Variants in ELOVL4 observed in about 807,000 individuals in gnomAD.
ELOVL4 encodes very long chain fatty acid elongase 4.
Under a neutral mutation model 42.1 loss-of-function variants are expected in ELOVL4, and 18 were observed. The ratio of observed to expected loss-of-function variants is 0.43; its 90% CI spans 0.30 to 0.63. The LOEUF is 0.63. Among genes scored for constraint, ELOVL4 ranks in the 30% least tolerant of loss-of-function variants. ELOVL4 has a pLI of 0.15. For missense variants in ELOVL4, 299 were observed against 376.2 expected, an observed-to-expected ratio of 0.79 and a Z score of 1.70; for synonymous variants, 117 against 127.0, an observed-to-expected ratio of 0.92 and a Z score of 0.53.
chr6:79,927,470 C>T (rs551362035), intron 1 of ELOVL4, among the ~76,000 whole-genome samples: 2 of 152,062 alleles, frequency 1.3e-5, no homozygotes, highest in Non-Finnish European at 2.9e-5. Context: ...TTTAAACTGT[C>T]ATTTTTACTA....
chr6:79,935,751 C>T (rs1774531059), intron 1 of ELOVL4, among the ~76,000 whole-genome samples: 2 of 152,166 alleles, frequency 1.3e-5, no homozygotes, highest in African/African-American at 2.4e-5. Context: ...AATCTAAATA[C>T]ATCTAGCATT....
intron 1 of ELOVL4, among the ~76,000 whole-genome samples, chr6:79,928,300 A>G (rs1774378301): frequency 1.3e-5 from 2 of 152,180 alleles, no homozygotes; most frequent in Non-Finnish European, 2.9e-5. Flanking sequence ...GCCATACTCC[A>G]TGTAACAAAG....
At chr6:79,941,524 G>T (rs1774644457) in intron 1 of ELOVL4, among the ~76,000 whole-genome samples, 1 of 151,998 alleles carries the variant, frequency 6.6e-6, no homozygotes, top group Non-Finnish European at 1.5e-5. Flanking sequence ...TTTAGTGAAC[G>T]GCAACTGAAT....
chr6:79,924,610 A>G (rs1329088710), intron 3 of ELOVL4, among the ~76,000 whole-genome samples: 6 of 152,118 alleles, frequency 3.9e-5, no homozygotes, highest in African/African-American at 1.4e-4. Context: ...CTGAGGCAAG[A>G]GGATCCCTTG....
At chr6:79,929,696 A>G (rs1353035083) in intron 1 of ELOVL4, among the ~76,000 whole-genome samples, 2 of 152,214 alleles carry the variant, frequency 1.3e-5, no homozygotes, top group Non-Finnish European at 2.9e-5. Context: ...AAAAATAATT[A>G]TTAGGAGGAA....
At chr6:79,919,193 G>C (rs2127697993) in intron 5 of ELOVL4, among the ~76,000 whole-genome samples, 1 of 152,146 alleles carries the variant, frequency 6.6e-6, no homozygotes, top group African/African-American at 2.4e-5. Flanking sequence ...GAGGAGTAAG[G>C]GCTATGTCTA....
chr6:79,947,443 G>A lies in ELOVL4; in HGVS notation c.-164C>T. On this transcript the variant is annotated 5_prime_UTR_variant, in exon 1 of 6. Transcript: ENST00000369816. ...TGCTCCTCAAGGCGCCGCGGCGGCG[G>A]GGATGCGGCAGAAGGCAGGGCCAAG... 1 of 648,522 alleles carries A rather than the reference G, an allele frequency of 1.5e-6. No individual in the cohort carries two copies. The highest frequency in any genetic ancestry group is 2.7e-6 in the Non-Finnish European group (1 of 364,472). The allele number at this position is 648,522 out of a possible 1,614,324, so 40.2% of individuals were successfully genotyped here.
In ELOVL4 at chr6:79,919,440, A is replaced by T. The variant is rs373929988; in HGVS notation, c.649T>A (p.Tyr217Asn). Residue 217 changes from tyrosine to asparagine, a missense_variant, in exon 5 of 6, where the codon TAC becomes AAC. Coordinates refer to ENST00000369816, the MANE Select transcript of ELOVL4 (RefSeq NM_022726.4). ...CTCACCAGTTGCAACATAGTCAGGT[A>T]TCGTTTCCACCAAAGATATTTCTGA... ...WIQKYLWWKR[Y>N]LTMLQLIQFH... 1 of 1,613,730 alleles carries T rather than the reference A, an allele frequency of 6.2e-7. No homozygotes were observed. Among genetic ancestry groups the T allele is most frequent in the Non-Finnish European group, 8.5e-7 (1 of 1,179,834 alleles).
intron 1 of ELOVL4, among the ~76,000 whole-genome samples, chr6:79,935,117 T>C (rs1443689087): frequency 6.6e-6 from 1 of 152,172 alleles, no homozygotes. Flanking sequence ...AATAATAAAA[T>C]GCCTGTAATC....
At chr6:79,939,789 G>T (rs1188585052) in intron 1 of ELOVL4, among the ~76,000 whole-genome samples, 2 of 152,098 alleles carry the variant, frequency 1.3e-5, no homozygotes, top group Non-Finnish European at 2.9e-5. Flanking sequence ...ATAGGCATGA[G>T]CCACTGGGCC....
At chr6:79,928,738 T>TTTTG (rs1561986567) in intron 1 of ELOVL4, among the ~76,000 whole-genome samples, 1 of 139,422 alleles carries the variant, frequency 7.2e-6, no homozygotes, top group African/African-American at 2.8e-5. Context: ...TTTTTTTTTT[T>TTTTG]TTTTTTTTTT....
Position 79,947,434 on chromosome 6 carries a change from G to A in ELOVL4, c.-155C>T. On this transcript the variant is annotated 5_prime_UTR_variant, in exon 1 of 6. Coordinates refer to ENST00000369816, the MANE Select transcript of ELOVL4 (RefSeq NM_022726.4). ...GTCTTCTCCTGCTCCTCAAGGCGCC[G>A]CGGCGGCGGGGATGCGGCAGAAGGC... is the stretch of plus-strand genomic sequence containing the variant. 1.5e-6 allele frequency: 1 copy of A among 657,492 alleles called. No individual in the cohort carries two copies. Among genetic ancestry groups the A allele is most frequent in the Non-Finnish European group, 2.7e-6 (1 of 370,340 alleles). The allele number at this position is 657,492 out of a possible 1,614,324, so 40.7% of individuals were successfully genotyped here.
At chr6:79,926,984 A>C (rs1335714140) in intron 1 of ELOVL4, among the ~76,000 whole-genome samples, 1 of 152,206 alleles carries the variant, frequency 6.6e-6, no homozygotes, top group African/African-American at 2.4e-5. Flanking sequence ...TTCATTGAGA[A>C]CATGCACCTA....
Position 79,940,314 on chromosome 6 carries a change from A to G in ELOVL4, c.100+6866T>C, listed in dbSNP as rs138777138. On this transcript the variant is annotated intron_variant, in intron 1 of 5. Transcript: ENST00000369816. ...CATAAATAAAACATCATTCTAAGGT[A>G]TTTGTTTACAAATGGTAATATTTCA... 5.5e-4 allele frequency among the ~76,000 whole-genome samples: 84 copies of G among 152,324 alleles called. 1 individual carries two copies. The South Asian group carries it at 8.3e-3, about 15-fold the overall frequency.
At chr6:79,933,485 C>T (rs1264305446) in intron 1 of ELOVL4, among the ~76,000 whole-genome samples, 1 of 152,110 alleles carries the variant, frequency 6.6e-6, no homozygotes, top group East Asian at 1.9e-4. Flanking sequence ...CCTACCTCAG[C>T]CTCCCAAAGT....
chr6:79,917,218 T>G (rs1450441840), intron 5 of ELOVL4, among the ~76,000 whole-genome samples: 1 of 152,128 alleles, frequency 6.6e-6, no homozygotes, highest in Non-Finnish European at 1.5e-5. Context: ...AGAAAATGAC[T>G]CTAGAAGGCA....
chr6:79,941,716 A>T (rs1235976276), intron 1 of ELOVL4, among the ~76,000 whole-genome samples: 1 of 152,026 alleles, frequency 6.6e-6, no homozygotes, highest in East Asian at 1.9e-4. Context: ...AAAAACAAAA[A>T]CCTTCTGTAA....
rs75491827 is a variant in ELOVL4 at position 79,920,706 on chromosome 6, G to A, written c.541+919C>T. On this transcript the variant is annotated intron_variant, in intron 4 of 5. Coordinates refer to ENST00000369816, the MANE Select transcript of ELOVL4 (RefSeq NM_022726.4). ...ACATCAGAAAGCAAAGATGTCACCCGTGTGGACATTATCTGTGGTTGTTTG... is the reference window on the plus strand; with the variant it reads ...ACATCAGAAAGCAAAGATGTCACCCATGTGGACATTATCTGTGGTTGTTTG... Among the ~76,000 whole-genome samples, 723 of 152,230 alleles carry A rather than the reference G, an allele frequency of 4.7e-3. 9 individuals are homozygous for A. The highest frequency in any genetic ancestry group is 0.016 in the African/African-American group (682 of 41,528).
Position 79,937,936 on chromosome 6 carries a change from C to T in ELOVL4, c.100+9244G>A, listed in dbSNP as rs115154041. The stretch of plus-strand genomic sequence containing the variant: ...GGTAGTGAGTTTCATCATGTGCAGA[C>T]GATATCTGGTTTCAAATTCCTGACC... On this transcript the variant is annotated intron_variant, in intron 1 of 5. Transcript: ENST00000369816. Among the ~76,000 whole-genome samples, 870 of 152,286 alleles carry T rather than the reference C, an allele frequency of 5.7e-3. 8 individuals carry two copies. Among genetic ancestry groups the T allele is most frequent in the African/African-American group, 0.02 (817 of 41,552 alleles).
Sources: gnomAD v4.1 joint callset for allele counts (sites outside exome capture counted in the v4.1 genomes callset) on GRCh38, gnomAD v4.1.1 for gene constraint, MANE v1.5 for transcripts, NCBI Gene and HGNC (gene_info 2026-07-23, HGNC 2026-07-21) for gene names.